ALK: variants seen among roughly 807,000 people sequenced by gnomAD.
ALK encodes the protein ALK receptor tyrosine kinase.
In ALK, 74 loss-of-function variants were observed where a neutral mutation model predicts 163.1. That is an observed-to-expected ratio of 0.45 (90% confidence interval 0.38 to 0.55). ALK has a LOEUF of 0.55. Ranked by LOEUF, ALK falls within the 20% of genes least tolerant of loss-of-function variation. ALK has a pLI of 0.00. For missense variants in ALK, 2,063 were observed against 2,105.3 expected, an observed-to-expected ratio of 0.98 and a Z score of 0.39; for synonymous variants, 960 against 843.2, an observed-to-expected ratio of 1.14 and a Z score of -2.40.
At chr2:29,611,702 T>C (rs1675696166) in intron 3 of ALK, among the ~76,000 whole-genome samples, 1 of 152,112 alleles carries the variant, frequency 6.6e-6, no homozygotes, top group African/African-American at 2.4e-5. Context: ...TTGCTGTTCT[T>C]GTGATAGTGA....
chr2:29,360,649 A>C (rs1668364830), intron 5 of ALK, among the ~76,000 whole-genome samples: 2 of 152,304 alleles, frequency 1.3e-5, no homozygotes, highest in South Asian at 2.1e-4. Flanking sequence ...AAAGAGTTGC[A>C]GTCTTAGGGC....
At chr2:29,759,857 T>G (rs1461660598) in intron 1 of ALK, among the ~76,000 whole-genome samples, 1 of 152,200 alleles carries the variant, frequency 6.6e-6, no homozygotes, top group Non-Finnish European at 1.5e-5. Context: ...TGATGTCCAC[T>G]GCTCCTAAGG....
chr2:29,292,575 A>G (rs572804198), intron 9 of ALK, among the ~76,000 whole-genome samples: 2 of 152,334 alleles, frequency 1.3e-5, no homozygotes, highest in South Asian at 4.1e-4. Flanking sequence ...AGGTGGATGT[A>G]AAGTAATGAG....
chr2:29,768,713 C>CTATGTGTGTGTGTGTGTGTG (rs149394341), intron 1 of ALK, among the ~76,000 whole-genome samples: 18 of 142,862 alleles, frequency 1.3e-4, no homozygotes, highest in African/African-American at 4.4e-4. Flanking sequence ...TTATATATGT[C>CTATGTGTGTGTGTGTGTGTG]TGTGTGTGTG....
chr2:29,499,327 G>C (rs1257092602), intron 4 of ALK, among the ~76,000 whole-genome samples: 1 of 152,070 alleles, frequency 6.6e-6, no homozygotes, highest in East Asian at 1.9e-4. Flanking sequence ...CTCCCAAGTA[G>C]CTGGAATTAC....
intron 11 of ALK, among the ~76,000 whole-genome samples, chr2:29,267,978 G>A (rs1260329856): frequency 6.6e-6 from 1 of 152,166 alleles, no homozygotes; most frequent in Non-Finnish European, 1.5e-5. Context: ...AGAGTTCCTG[G>A]ATCATTTATT....
intron 1 of ALK, among the ~76,000 whole-genome samples, chr2:29,772,304 C>A (rs1393284474): frequency 6.6e-6 from 1 of 151,968 alleles, no homozygotes; most frequent in Non-Finnish European, 1.5e-5. Context: ...AAAAACAAAG[C>A]AAAACCTCTA....
At chr2:29,454,695 C>CA (rs1455796857) in intron 4 of ALK, among the ~76,000 whole-genome samples, 1 of 122,424 alleles carries the variant, frequency 8.2e-6, no homozygotes, top group Non-Finnish European at 1.8e-5. Context: ...CAAACCAAAA[C>CA]AAAAAACCAA....
At chr2:29,461,432 G>T (rs11686068) in intron 4 of ALK, among the ~76,000 whole-genome samples, 3 of 152,150 alleles carry the variant, frequency 2.0e-5, no homozygotes, top group Non-Finnish European at 4.4e-5. Flanking sequence ...TAAAAGGACA[G>T]TCTGACTCTT....
Position 29,920,692 on chromosome 2 carries a change from G to A in ALK, c.-33C>T, listed in dbSNP as rs779258538. 3.3e-6 allele frequency: 5 copies of A among 1,517,480 alleles called. No homozygotes were observed. In the Admixed American group the frequency reaches 5.9e-5, roughly 18 times the overall value. 94.0% of individuals were successfully genotyped at this position (1,517,480 alleles called of 1,614,324 possible). On this transcript the variant is annotated 5_prime_UTR_variant, in exon 1 of 29. Coordinates refer to ENST00000389048, the MANE Select transcript of ALK (RefSeq NM_004304.5). ...GAGGAGGCCGTTTACACTGCTCTCC[G>A]GGCCCAGCCTCACCCTTCGCTCTCC...
chr2:29,829,103 G>A (rs964770884), intron 1 of ALK, among the ~76,000 whole-genome samples: 13 of 140,298 alleles, frequency 9.3e-5, no homozygotes, highest in African/African-American at 3.5e-4. Context: ...CTCATAGGTG[G>A]AAATTGAACA....
chr2:29,343,405 G>GCCC (rs1667858620), intron 5 of ALK, among the ~76,000 whole-genome samples: 1 of 150,186 alleles, frequency 6.7e-6, no homozygotes, highest in South Asian at 2.1e-4. Flanking sequence ...TTTAGAGATG[G>GCCC]GGTCTCCCTA....
chr2:29,309,805 T>C (rs1343251446), intron 8 of ALK, among the ~76,000 whole-genome samples: 1 of 152,170 alleles, frequency 6.6e-6, no homozygotes, highest in Non-Finnish European at 1.5e-5. Context: ...CATGTCCTGC[T>C]GGTGCTAATG....
intron 4 of ALK, among the ~76,000 whole-genome samples, chr2:29,512,940 A>G (rs1318146331): frequency 6.6e-6 from 1 of 150,914 alleles, no homozygotes; most frequent in African/African-American, 2.5e-5. Flanking sequence ...TCCACCTTAC[A>G]AGGGACGTGA....
At chr2:29,382,103 G>A (rs1044061964) in intron 5 of ALK, among the ~76,000 whole-genome samples, 1 of 152,180 alleles carries the variant, frequency 6.6e-6, no homozygotes, top group Non-Finnish European at 1.5e-5. Context: ...AAGGAAGCTG[G>A]ACCATGAGAA....
At chr2:29,528,252 G>C (rs893583352) in intron 4 of ALK, among the ~76,000 whole-genome samples, 1 of 152,014 alleles carries the variant, frequency 6.6e-6, no homozygotes, top group Non-Finnish European at 1.5e-5. Flanking sequence ...AACAAGACAC[G>C]AGGTGGCCTT....
intron 4 of ALK, among the ~76,000 whole-genome samples, chr2:29,490,081 C>T (rs1261574787): frequency 6.6e-6 from 1 of 152,214 alleles, no homozygotes; most frequent in Non-Finnish European, 1.5e-5. Context: ...AGGTATCATC[C>T]CTGGGGACAA....
chr2:29,687,397 C>T (rs1678269921), intron 3 of ALK, among the ~76,000 whole-genome samples: 1 of 151,970 alleles, frequency 6.6e-6, no homozygotes, highest in Non-Finnish European at 1.5e-5. Context: ...GTCTGCTTGC[C>T]TACTGCATCC....
intron 5 of ALK, among the ~76,000 whole-genome samples, chr2:29,348,186 A>G (rs1668008168): frequency 6.6e-6 from 1 of 151,960 alleles, no homozygotes; most frequent in Non-Finnish European, 1.5e-5. Context: ...TTCTGCCCCT[A>G]CCCTAGTGAG....
Sources: gnomAD v4.1 joint callset for allele counts (sites outside exome capture counted in the v4.1 genomes callset) on GRCh38, gnomAD v4.1.1 for gene constraint, MANE v1.5 for transcripts, NCBI Gene and HGNC (gene_info 2026-07-23, HGNC 2026-07-21) for gene names.